ZRANB3: variants seen among roughly 807,000 people sequenced by gnomAD.
ZRANB3 encodes the protein DNA annealing helicase and endonuclease ZRANB3.
ZRANB3 carries 125 observed loss-of-function variants against 133.8 expected under a neutral mutation model. The ratio of observed to expected loss-of-function variants is 0.93; its 90% confidence interval spans 0.81 to 1.08. ZRANB3 has a LOEUF of 1.08. Among genes scored for constraint, ZRANB3 ranks in the 50% least tolerant of loss-of-function variants. The pLI is 0.00. For missense variants in ZRANB3, 1,229 were observed against 1,275.5 expected (o/e 0.96, Z 0.56); for synonymous variants, 387 against 432.7 (o/e 0.89, Z 1.31).
At chr2:135,379,794 A>G (rs1396696867) in intron 3 of ZRANB3, among the ~76,000 whole-genome samples, 1 of 152,216 alleles carries the variant, frequency 6.6e-6, no homozygotes, top group Non-Finnish European at 1.5e-5. Flanking sequence ...TGACAGGATC[A>G]AATGCACACA....
chr2:135,230,768 A>T lies in ZRANB3; in HGVS notation c.1699T>A (p.Tyr567Asn), dbSNP rs1694975292. The T allele has an allele frequency of 6.2e-7, 1 of 1,613,690 alleles. No homozygotes were observed. The highest frequency in any genetic ancestry group is 1.3e-5 in the African/African-American group (1 of 74,900). ...GTTTCAGGTTCAACATCACTTTCATAATCGATGATATCTCTTGCAGCTGTT... is the reference window on the plus strand; with the variant it reads ...GTTTCAGGTTCAACATCACTTTCATTATCGATGATATCTCTTGCAGCTGTT... ...TKTAARDIID[Y>N]ESDVEPETKR... The change falls in exon 13 of 21, where the codon TAT becomes AAT. Residue 567 changes from tyrosine to asparagine, a missense_variant. Coordinates refer to ENST00000264159, the MANE Select transcript of ZRANB3 (RefSeq NM_032143.4).
At chr2:135,217,335 G>T in intron 17 of ZRANB3, 130 bp downstream of exon 17, 3 of 876,304 alleles carry the variant, frequency 3.4e-6, no homozygotes, top group Non-Finnish European at 4.9e-6. Flanking sequence ...ATATGGCTGT[G>T]ATTTTATGCA....
chr2:135,271,924 G>C (rs767382538), intron 9 of ZRANB3, 37 bp from the exon 10 acceptor site: 1 of 1,596,516 alleles, frequency 6.3e-7, no homozygotes. Flanking sequence ...ATTAGGACAA[G>C]GCCCTATGTA....
At chr2:135,515,391 G>C (rs1177831280) in intron 1 of ZRANB3, among the ~76,000 whole-genome samples, 1 of 152,068 alleles carries the variant, frequency 6.6e-6, no homozygotes, top group Non-Finnish European at 1.5e-5. Context: ...GTCGATTTTA[G>C]ATCTTTCCTG....
chr2:135,411,854 T>C (rs1175781973), intron 2 of ZRANB3, among the ~76,000 whole-genome samples: 1 of 152,076 alleles, frequency 6.6e-6, no homozygotes, highest in Non-Finnish European at 1.5e-5. Context: ...GCCCAAACCC[T>C]CCCATTACGC....
chr2:135,370,093 T>C (rs1686106804), intron 3 of ZRANB3, among the ~76,000 whole-genome samples: 1 of 150,674 alleles, frequency 6.6e-6, no homozygotes, highest in Admixed American at 6.7e-5. Context: ...TACAGATAAA[T>C]AGCTATAATT....
chr2:135,442,553 C>T (rs1002441502), intron 2 of ZRANB3, among the ~76,000 whole-genome samples: 3 of 152,122 alleles, frequency 2.0e-5, no homozygotes, highest in African/African-American at 7.2e-5. Context: ...ACAACACATG[C>T]TGGAGAGGAT....
chr2:135,358,911 G>A (rs958993199), intron 3 of ZRANB3, among the ~76,000 whole-genome samples: 10 of 151,906 alleles, frequency 6.6e-5, no homozygotes, highest in Middle Eastern at 6.8e-3. Flanking sequence ...CGGCCCACAT[G>A]GTAAGAACCC....
intron 2 of ZRANB3, among the ~76,000 whole-genome samples, chr2:135,480,550 A>G (rs1691735231): frequency 6.6e-6 from 1 of 152,140 alleles, no homozygotes; most frequent in Non-Finnish European, 1.5e-5. Context: ...AAAAATTACT[A>G]TGAAATCTTC....
chr2:135,272,538 T>A (rs991084993), intron 9 of ZRANB3, among the ~76,000 whole-genome samples: 1 of 150,678 alleles, frequency 6.6e-6, no homozygotes, highest in Admixed American at 6.6e-5. Context: ...CTCAGCCTCC[T>A]GAGTAGCTGG....
At chr2:135,423,848 C>G (rs1047785846) in intron 2 of ZRANB3, among the ~76,000 whole-genome samples, 14 of 152,188 alleles carry the variant, frequency 9.2e-5, no homozygotes, top group Admixed American at 5.9e-4. Context: ...AATAAATGAT[C>G]TGAATATGCT....
At chr2:135,429,536 C>G (rs947113138) in intron 2 of ZRANB3, among the ~76,000 whole-genome samples, 11 of 152,076 alleles carry the variant, frequency 7.2e-5, no homozygotes. Context: ...AAAAAAATAA[C>G]TTGCAACATC....
chr2:135,288,072 G>A (rs1329208964), intron 8 of ZRANB3, among the ~76,000 whole-genome samples: 1 of 152,174 alleles, frequency 6.6e-6, no homozygotes, highest in Non-Finnish European at 1.5e-5. Flanking sequence ...CTGTGGGTTT[G>A]TCATAGATGG....
At chr2:135,522,822 A>G (rs764725964) in intron 1 of ZRANB3, among the ~76,000 whole-genome samples, 3 of 152,202 alleles carry the variant, frequency 2.0e-5, no homozygotes, top group Non-Finnish European at 4.4e-5. Flanking sequence ...CAAGTCAAAG[A>G]GGTGCCATGC....
At chr2:135,437,952 T>C (rs1266354654) in intron 2 of ZRANB3, among the ~76,000 whole-genome samples, 2 of 151,978 alleles carry the variant, frequency 1.3e-5, no homozygotes, top group African/African-American at 4.8e-5. Context: ...AGAGTGTGAA[T>C]AGAAAAAAAG....
chr2:135,484,409 C>G (rs1691996639), intron 2 of ZRANB3, among the ~76,000 whole-genome samples: 1 of 152,066 alleles, frequency 6.6e-6, no homozygotes, highest in African/African-American at 2.4e-5. Context: ...TGTTCTTGTT[C>G]AACTGTATAC....
chr2:135,295,886 A>G (rs907941075), intron 8 of ZRANB3, among the ~76,000 whole-genome samples: 1 of 152,140 alleles, frequency 6.6e-6, no homozygotes, highest in Non-Finnish European at 1.5e-5. Flanking sequence ...TCTTTTCTTT[A>G]AGAATGTTGA....
At chr2:135,201,808 C>A (rs1437235268) in intron 20 of ZRANB3, among the ~76,000 whole-genome samples, 1 of 152,030 alleles carries the variant, frequency 6.6e-6, no homozygotes, top group Non-Finnish European at 1.5e-5. Flanking sequence ...AATTGCAGGC[C>A]ATTCTCCCTG....
rs1007631238 is a variant in ZRANB3, at chr2:135,275,968, GAGA to G, written c.967-216_967-214del. ...AAGGGGAAAAACTGAGCAATTAAAT[GAGA>G]AGAAGACAAGAATTAGAAGAATTAA... On this transcript the variant is annotated intron_variant, in intron 8 of 20. Coordinates refer to ENST00000264159, the MANE Select transcript of ZRANB3 (RefSeq NM_032143.4). Among the ~76,000 whole-genome samples, 37 of 152,230 alleles carry G rather than the reference GAGA, an allele frequency of 2.4e-4. No individual in the cohort carries two copies. In the South Asian group the frequency reaches 4.1e-3, roughly 17 times the overall value.
Sources: allele counts gnomAD v4.1 joint callset (sites outside exome capture counted in the v4.1 genomes callset), GRCh38; gene constraint gnomAD v4.1.1; transcripts MANE v1.5; gene names NCBI Gene and HGNC (gene_info 2026-07-23, HGNC 2026-07-21).